The following PAM variants were observed in gnomAD, a reference collection of about 807,000 sequenced individuals.
PAM encodes peptidylglycine alpha-amidating monooxygenase, also known as peptidyl-glycine alpha-amidating monooxygenase.
In PAM, 72 loss-of-function variants were observed where a neutral mutation model predicts 122.1. The observed-to-expected ratio is 0.59, with a 90% CI of 0.49 to 0.72. The LOEUF (loss-of-function observed/expected upper bound fraction) is 0.72. Among genes scored for constraint, PAM ranks in the 30% least tolerant of loss-of-function variants. PAM has a pLI of 0.00. For missense variants in PAM, 1,106 were observed against 1,183.7 expected (o/e 0.93, Z 0.96); for synonymous variants, 389 against 404.4 (o/e 0.96, Z 0.46).
chr5:102,876,535 G>A (rs2151071764), intron 3 of PAM, among the ~76,000 whole-genome samples: 1 of 152,146 alleles, frequency 6.6e-6, no homozygotes. Flanking sequence ...CCTCATTTCT[G>A]TGTTATAAAT....
chr5:102,907,687 C>T lies in PAM; in HGVS notation c.269-6247C>T, dbSNP rs576841826. On this transcript the variant is annotated intron_variant, in intron 4 of 25. Coordinates refer to ENST00000438793, the MANE Select transcript of PAM (RefSeq NM_001177306.2). The stretch of plus-strand genomic sequence containing the variant: ...TTCTAACTGGTGTGAGATAGTATCT[C>T]ATTGTGGTTTTGATTTGCATTTCTC... 1.2e-4 allele frequency among the ~76,000 whole-genome samples: 19 copies of T among 152,038 alleles called. 1 individual carries two copies. In the South Asian group the frequency reaches 3.9e-3, roughly 32 times the overall value.
chr5:102,802,834 T>G (rs1402967040), intron 1 of PAM, among the ~76,000 whole-genome samples: 1 of 152,206 alleles, frequency 6.6e-6, no homozygotes, highest in East Asian at 1.9e-4. Context: ...ATGCATTATC[T>G]TTATCTTCAT....
intron 5 of PAM, among the ~76,000 whole-genome samples, chr5:102,916,376 C>T (rs1178190816): frequency 1.3e-5 from 2 of 151,884 alleles, no homozygotes; most frequent in Non-Finnish European, 2.9e-5. Context: ...AACACTATAC[C>T]CATATCATTT....
intron 5 of PAM, among the ~76,000 whole-genome samples, chr5:102,923,023 T>C (rs1030043679): frequency 6.6e-6 from 1 of 152,190 alleles, no homozygotes; most frequent in African/African-American, 2.4e-5. Flanking sequence ...TATTTGACAG[T>C]GAACAGGAAG....
chr5:102,769,853 A>G (rs1489490488), intron 1 of PAM, among the ~76,000 whole-genome samples: 1 of 152,110 alleles, frequency 6.6e-6, no homozygotes, highest in Non-Finnish European at 1.5e-5. Context: ...GTGAATACAT[A>G]TAAATCTTAG....
chr5:102,954,849 T>A (rs4703249), intron 12 of PAM, among the ~76,000 whole-genome samples: 3,396 of 152,194 alleles, frequency 0.022, 49 homozygotes, highest in Non-Finnish European at 0.031. Flanking sequence ...ATTTGGTCAG[T>A]TTTGTTGGTC....
chr5:102,940,160 A>G (rs62362517), intron 7 of PAM, among the ~76,000 whole-genome samples: 1 of 151,430 alleles, frequency 6.6e-6, no homozygotes, highest in Non-Finnish European at 1.5e-5. Context: ...ATACACACAC[A>G]CACATATATA....
chr5:102,969,427 T>G (rs1418134030), intron 14 of PAM, among the ~76,000 whole-genome samples: 1 of 152,074 alleles, frequency 6.6e-6, no homozygotes. Flanking sequence ...AGAGCCACTT[T>G]TAATACCATC....
At chr5:102,840,761 T>C (rs1368195764) in intron 1 of PAM, among the ~76,000 whole-genome samples, 2 of 152,160 alleles carry the variant, frequency 1.3e-5, no homozygotes, top group African/African-American at 4.8e-5. Flanking sequence ...CATCACATGC[T>C]CCTTTTAGCC....
Position 102,967,523 on chromosome 5 carries a change from G to C in PAM, c.1162+6294G>C, listed in dbSNP as rs186923305. On this transcript the variant is annotated intron_variant, in intron 14 of 25. Coordinates refer to ENST00000438793, the MANE Select transcript of PAM (RefSeq NM_001177306.2). ...CTTATTGAGTATCTGCTAGGATAGG[G>C]AAAGTACTAATCTCTGGAACTATGA... is the stretch of plus-strand genomic sequence containing the variant. 5.1e-3 allele frequency among the ~76,000 whole-genome samples: 782 copies of C among 152,252 alleles called. 3 individuals carry two copies. The highest frequency in any genetic ancestry group is 8.8e-3 in the Non-Finnish European group (599 of 68,016).
intron 5 of PAM, among the ~76,000 whole-genome samples, chr5:102,918,575 A>C (rs1040831041): frequency 2.6e-5 from 4 of 152,140 alleles, no homozygotes; most frequent in African/African-American, 9.7e-5. Context: ...TTGGAAATTT[A>C]AATATTGTAT....
intron 12 of PAM, among the ~76,000 whole-genome samples, chr5:102,953,994 T>C (rs1283000597): frequency 6.6e-6 from 1 of 151,972 alleles, no homozygotes; most frequent in Non-Finnish European, 1.5e-5. Context: ...GACTGGGCTA[T>C]AGAGTAAATA....
At chr5:102,767,816 A>G (rs1392816693) in intron 1 of PAM, among the ~76,000 whole-genome samples, 1 of 152,168 alleles carries the variant, frequency 6.6e-6, no homozygotes, top group African/African-American at 2.4e-5. Flanking sequence ...GACATATTAG[A>G]TTTCACTGCT....
intron 6 of PAM, among the ~76,000 whole-genome samples, chr5:102,925,963 C>T (rs1017948932): frequency 6.6e-6 from 1 of 152,078 alleles, no homozygotes; most frequent in African/African-American, 2.4e-5. Flanking sequence ...TTGTAGATAC[C>T]TCTTTTCACA....
chr5:103,002,474 G>A (rs1018075668), intron 16 of PAM, among the ~76,000 whole-genome samples: 1 of 151,806 alleles, frequency 6.6e-6, no homozygotes, highest in African/African-American at 2.4e-5. Context: ...GGATAGATTC[G>A]GTTTTGTAAC....
chr5:102,855,111 A>G (rs939678000), intron 1 of PAM, among the ~76,000 whole-genome samples: 7 of 152,202 alleles, frequency 4.6e-5, no homozygotes, highest in African/African-American at 1.7e-4. Context: ...AATGACTTCC[A>G]GATTATCTAG....
intron 3 of PAM, among the ~76,000 whole-genome samples, chr5:102,877,385 C>T (rs1789581399): frequency 6.6e-6 from 1 of 152,136 alleles, no homozygotes; most frequent in South Asian, 2.1e-4. Context: ...AGAGTAATTG[C>T]AACAATATTT....
intron 4 of PAM, among the ~76,000 whole-genome samples, chr5:102,908,735 T>A (rs543846678): frequency 4.8e-4 from 72 of 149,890 alleles, no homozygotes; most frequent in Middle Eastern, 3.4e-3. Context: ...GAAAAAAAAA[T>A]AATAAATAAA....
intron 1 of PAM, among the ~76,000 whole-genome samples, chr5:102,836,257 T>TA (rs1179097774): frequency 3.3e-5 from 5 of 152,248 alleles, no homozygotes; most frequent in African/African-American, 1.2e-4. Context: ...TATTCCCTGT[T>TA]AAAGATATAT....
Sources: allele counts gnomAD v4.1 joint callset (sites outside exome capture counted in the v4.1 genomes callset), GRCh38; gene constraint gnomAD v4.1.1; transcripts MANE v1.5; gene names NCBI Gene and HGNC (gene_info 2026-07-23, HGNC 2026-07-21).